BANP: variants seen among roughly 807,000 people sequenced by gnomAD.
The protein encoded by BANP is BTG3 associated nuclear protein.
In BANP, 11 loss-of-function variants were observed where a neutral mutation model predicts 68.1. The observed-to-expected ratio is 0.16, with a 90% CI of 0.10 to 0.27. BANP has a LOEUF of 0.27. BANP is among the 10% of genes least tolerant of loss of function. The pLI is 1.00. For synonymous variants in BANP, 329 were observed against 303.2 expected, an observed-to-expected ratio of 1.09 and a Z score of -0.88; for missense variants, 504 against 722.7, an observed-to-expected ratio of 0.70 and a Z score of 3.47.
intron 1 of BANP, among the ~76,000 whole-genome samples, chr16:87,965,616 C>A (rs1470279486): frequency 3.6e-5 from 2 of 55,876 alleles, no homozygotes; most frequent in South Asian, 5.7e-4. Context: ...CTGGGCGGGG[C>A]TGGGCGGGGC....
intron 2 of BANP, among the ~76,000 whole-genome samples, chr16:87,977,682 G>A (rs1244638699): frequency 2.0e-5 from 3 of 152,144 alleles, no homozygotes; most frequent in Admixed American, 1.3e-4. Context: ...TTGTTGACGT[G>A]TATGTCTTTC....
chr16:87,961,407 G>GTCCCCCC (rs2059103943), intron 1 of BANP, among the ~76,000 whole-genome samples: 1 of 117,570 alleles, frequency 8.5e-6, no homozygotes, highest in Non-Finnish European at 2.0e-5. Flanking sequence ...CACAGAATCT[G>GTCCCCCC]CACCCCCCCG....
rs2079791049 is a variant in BANP, at chr16:88,037,978, C to T, written c.1278C>T (p.Asn426=). The T allele has an allele frequency of 1.2e-6, 2 of 1,613,930 alleles. No individual in the cohort carries two copies. The highest frequency in any genetic ancestry group is 1.7e-6 in the Non-Finnish European group (2 of 1,179,816). Residue 426 remains asparagine, a synonymous_variant, in exon 11 of 14, where the codon AAC becomes AAT. Coordinates refer to ENST00000682872, the MANE Select transcript of BANP (RefSeq NM_001386991.1). ...CCTCCTCTCGTTCTTTGTAGGGCAA[C>T]CTCCAGATCCATCACGTGGGGCAGG... ...QVQITQDSEG[N]LQIHHVGQDG...
chr16:88,071,766 T>C lies in BANP; in HGVS notation c.1378-303T>C, dbSNP rs1422167005. ...CTGTGGCATTTGCTGTTGCTCTCTT[T>C]TTCTGTGGAAGCTCTGCCTTGCTTT... On this transcript the variant is annotated intron_variant, in intron 12 of 13. Transcript: ENST00000682872. The surrounding 1 kb of genome is among the most constrained non-coding windows in gnomAD (Gnocchi z 6.5). 4.8e-6 allele frequency: 3 copies of C among 620,718 alleles called. No individual in the cohort carries two copies. Among genetic ancestry groups the C allele is most frequent in the Non-Finnish European group, 9.0e-6 (3 of 332,698 alleles). The allele number at this position is 620,718 out of a possible 1,614,324, so 38.5% of individuals were successfully genotyped here.
At chr16:88,006,006 T>C in intron 5 of BANP, 84 bp from the exon 6 acceptor site, 1 of 1,552,748 alleles carries the variant, frequency 6.4e-7, no homozygotes, top group Middle Eastern at 2.3e-4. Flanking sequence ...CAGAGTTAGA[T>C]TTTGCGATAA....
chr16:88,025,030 C>T (rs571878450), intron 7 of BANP, among the ~76,000 whole-genome samples: 4 of 152,246 alleles, frequency 2.6e-5, no homozygotes, highest in Admixed American at 2.6e-4. Context: ...GAATTTTTCT[C>T]CTGGAGTGTG....
chr16:87,999,062 A>G (rs1598291837), intron 4 of BANP, among the ~76,000 whole-genome samples: 5 of 130,202 alleles, frequency 3.8e-5, no homozygotes, highest in Non-Finnish European at 8.1e-5. Flanking sequence ...CCTTCCAGAC[A>G]CGTCTCCATG....
intron 4 of BANP, among the ~76,000 whole-genome samples, chr16:87,991,047 C>A (rs747521676): frequency 6.6e-6 from 1 of 152,238 alleles, no homozygotes; most frequent in Non-Finnish European, 1.5e-5. Context: ...CAGGCGTGCA[C>A]CACTGCGCCC....
At position 88,076,670 on chromosome 16, in the gene BANP, C is replaced by T. The variant is rs1355203078; in HGVS notation, c.*9C>T. ...CCATCCAGATTCAGTGAGCGGTGCC[C>T]ATGGCACCAGGAGCCCCTCGCCGGC... is the stretch of plus-strand genomic sequence containing the variant. On this transcript the variant is annotated 3_prime_UTR_variant, in exon 14 of 14. Transcript: ENST00000682872. The T allele has an allele frequency of 1.9e-6, 3 of 1,604,612 alleles. No individual in the cohort carries two copies. The highest frequency in any genetic ancestry group is 2.5e-6 in the Non-Finnish European group (3 of 1,178,284).
Position 88,064,110 on chromosome 16 carries a change from C to A in BANP, c.1312-1157C>A, listed in dbSNP as rs552426922. Among the ~76,000 whole-genome samples the A allele has an allele frequency of 6.7e-6, 1 of 150,318 alleles. No homozygotes were observed. The highest frequency in any genetic ancestry group is 2.5e-5 in the African/African-American group (1 of 40,622). ...GTGGGGGCCAACCACAAGCAGGCAC[C>A]GGCGCTGGGGGACCAGGGTCAGGGG... On this transcript the variant is annotated intron_variant, in intron 11 of 13. Transcript: ENST00000682872. This position sits in a 1 kb window ranked among gnomAD's most constrained non-coding sequence, Gnocchi z 4.5.
At chr16:88,055,369 C>T (rs187900612) in intron 11 of BANP, among the ~76,000 whole-genome samples, 3 of 152,056 alleles carry the variant, frequency 2.0e-5, no homozygotes, top group African/African-American at 4.8e-5. Context: ...AAAGCAGTGA[C>T]GGATCCAGGG....
At chr16:87,966,592 A>G (rs1206279777) in intron 1 of BANP, 4 of 152,198 alleles carry the variant, frequency 2.6e-5, no homozygotes, top group Non-Finnish European at 5.9e-5. Flanking sequence ...TGGTGTCCTC[A>G]TTTGGAAGAG....
At chr16:88,073,465 G>A (rs1020146126) in intron 13 of BANP, among the ~76,000 whole-genome samples, 1 of 152,262 alleles carries the variant, frequency 6.6e-6, no homozygotes, top group African/African-American at 2.4e-5. Flanking sequence ...TCTGCGTGGT[G>A]TTTGGTTCCA....
intron 12 of BANP, among the ~76,000 whole-genome samples, chr16:88,065,960 T>G (rs539643510): frequency 6.6e-6 from 1 of 152,166 alleles, no homozygotes; most frequent in African/African-American, 2.4e-5. Context: ...ACTGCCCAGC[T>G]TAGGATTCTT....
At chr16:87,971,983 G>A (rs114908471) in intron 1 of BANP, among the ~76,000 whole-genome samples, 1,769 of 152,066 alleles carry the variant, frequency 0.012, 35 homozygotes, top group African/African-American at 0.04. Context: ...TTATGGAGTC[G>A]GGGTCTCGGT....
chr16:88,055,580 G>A (rs1360801032), intron 11 of BANP, among the ~76,000 whole-genome samples: 2 of 152,226 alleles, frequency 1.3e-5, no homozygotes, highest in Non-Finnish European at 2.9e-5. Flanking sequence ...AAAAAGATTA[G>A]AAGACATGGG....
At chr16:87,954,570 A>T (rs972028791) in intron 1 of BANP, among the ~76,000 whole-genome samples, 1 of 152,118 alleles carries the variant, frequency 6.6e-6, no homozygotes, top group Non-Finnish European at 1.5e-5. Flanking sequence ...CAACTTGCAG[A>T]TATTTTCTCT....
chr16:88,008,203 A>G (rs1231069056), intron 6 of BANP, among the ~76,000 whole-genome samples: 2 of 151,964 alleles, frequency 1.3e-5, no homozygotes, highest in African/African-American at 2.4e-5. Context: ...GATGGCCCTC[A>G]TTCTGTTGAT....
intron 11 of BANP, among the ~76,000 whole-genome samples, chr16:88,044,056 C>T (rs4843780): frequency 0.26 from 40,182 of 152,124 alleles, 6,911 homozygotes; most frequent in Non-Finnish European, 0.4. Flanking sequence ...GCAGGGGAAC[C>T]GCTGGTTGGT....
Sources: allele counts gnomAD v4.1 joint callset (sites outside exome capture counted in the v4.1 genomes callset), GRCh38; gene constraint gnomAD v4.1.1; non-coding constraint Gnocchi (gnomAD v3.1); transcripts MANE v1.5; gene names NCBI Gene and HGNC (gene_info 2026-07-23, HGNC 2026-07-21).